Variants in HSD11B1 observed in about 807,000 individuals in gnomAD.
HSD11B1 encodes hydroxysteroid 11-beta dehydrogenase 1, also known as 11-beta-hydroxysteroid dehydrogenase 1.
HSD11B1 carries 15 observed loss-of-function variants against 22.1 expected under a neutral mutation model. The observed-to-expected ratio is 0.68, with a 90% CI of 0.45 to 1.04. The LOEUF is 1.04. Among genes scored for constraint, HSD11B1 ranks in the 50% least tolerant of loss-of-function variants. The pLI, the probability that HSD11B1 is intolerant of heterozygous loss-of-function variation, is 0.00. For synonymous variants in HSD11B1, 122 were observed against 125.2 expected, an observed-to-expected ratio of 0.97 and a Z score of 0.17; for missense variants, 281 against 357.6, an observed-to-expected ratio of 0.79 and a Z score of 1.73.
upstream of HSD11B1, among the ~76,000 whole-genome samples, chr1:209,703,706 C>A (rs11590066): frequency 4.3e-3 from 661 of 152,288 alleles, 1 homozygote; most frequent in Non-Finnish European, 7.3e-3. Context: ...TCTGTCCCCC[C>A]ACTACTCCCA....
rs541167621 is a variant in HSD11B1, at chr1:209,724,104, A to C, written c.518-8332A>C. 7.2e-5 allele frequency: 11 copies of C among 152,510 alleles called. No homozygotes were observed. In the South Asian group the frequency reaches 2.1e-3, roughly 29 times the overall value. 9.4% of individuals were successfully genotyped at this position (152,510 alleles called of 1,614,324 possible). On this transcript the variant is annotated intron_variant, in intron 4 of 5. Coordinates refer to ENST00000367027, the MANE Select transcript of HSD11B1 (RefSeq NM_005525.4). ...AGGGATGAGTCCTGGGACAAGGCCC[A>C]CAGGGTGGTGAGCAGAGTGTGGGCT...
At chr1:209,686,366 A>T (rs2076728484) in intron 1 of HSD11B1, 1 of 152,232 alleles carries the variant, frequency 6.6e-6, no homozygotes, top group South Asian at 2.1e-4. Flanking sequence ...TCCTCAAAAA[A>T]ATCTGCTATT....
intron 4 of HSD11B1, among the ~76,000 whole-genome samples, chr1:209,716,611 C>T (rs1250359588): frequency 2.0e-5 from 3 of 151,150 alleles, no homozygotes; most frequent in African/African-American, 7.3e-5. Flanking sequence ...CCAAAGCAAT[C>T]CTAAGCAAAA....
intron 1 of HSD11B1, among the ~76,000 whole-genome samples, chr1:209,690,460 G>A (rs2076752972): frequency 6.6e-6 from 1 of 152,122 alleles, no homozygotes; most frequent in African/African-American, 2.4e-5. Context: ...AATTTGGGAG[G>A]CCAAGGTGAG....
At position 209,704,910 on chromosome 1, in the gene HSD11B1, C is replaced by A; in HGVS notation, c.-33C>A. ...AGCTCTGTAGGTTCTCTCTGTGTGT[C>A]CTACAGGAGTCTTCAGGCCAGCTCC... On this transcript the variant is annotated 5_prime_UTR_variant, in exon 1 of 6. Transcript: ENST00000367027. The A allele has an allele frequency of 1.3e-6, 2 of 1,539,638 alleles. No homozygotes were observed. Among genetic ancestry groups the A allele is most frequent in the Non-Finnish European group, 1.8e-6 (2 of 1,112,530 alleles).
intron 5 of HSD11B1, among the ~76,000 whole-genome samples, chr1:209,733,620 C>T (rs1350921049): frequency 2.6e-5 from 4 of 152,016 alleles, no homozygotes; most frequent in South Asian, 2.1e-4. Flanking sequence ...TAAGGGGGTA[C>T]GGCCTACAAT....
In HSD11B1 at chr1:209,705,000, T is replaced by C; in HGVS notation, c.58T>C (p.Tyr20His). Residue 20 changes from tyrosine to histidine, a missense_variant, in exon 1 of 6, where the codon TAC (tyrosine) becomes CAC (histidine). Tyr to His is a moderately conservative substitution (Grantham distance 83, BLOSUM62 2). Transcript: ENST00000367027. Reference protein sequence around the residue: ...PILGLFMAYYYYSANEEFRPE... With the variant: ...PILGLFMAYYHYSANEEFRPE... ...TCTGGGGCTCTTCATGGCCTACTAC[T>C]ACTATTCTGCAAACGAGGAATTCAG... The C allele has an allele frequency of 6.2e-7, 1 of 1,613,866 alleles. No individual in the cohort carries two copies. Among genetic ancestry groups the C allele is most frequent in the Non-Finnish European group, 8.5e-7 (1 of 1,179,786 alleles).
chr1:209,700,835 C>T (rs1254755352), upstream of HSD11B1, among the ~76,000 whole-genome samples: 6 of 152,168 alleles, frequency 3.9e-5, no homozygotes, highest in Admixed American at 3.9e-4. Flanking sequence ...TTCAAAGTTC[C>T]ACAAATCTCT....
At chr1:209,719,693 T>C (rs1427221379) in intron 4 of HSD11B1, among the ~76,000 whole-genome samples, 2 of 152,174 alleles carry the variant, frequency 1.3e-5, no homozygotes, top group Admixed American at 6.6e-5. Flanking sequence ...AGAATGATGG[T>C]TTCCAGCTTC....
At chr1:209,718,101 G>A (rs781306652) in intron 4 of HSD11B1, among the ~76,000 whole-genome samples, 4 of 152,242 alleles carry the variant, frequency 2.6e-5, no homozygotes, top group East Asian at 1.9e-4. Flanking sequence ...GAATGTCAGC[G>A]TGTTGGCAGG....
intron 1 of HSD11B1, among the ~76,000 whole-genome samples, chr1:209,689,890 G>A (rs993629608): frequency 1.3e-5 from 2 of 152,178 alleles, no homozygotes; most frequent in African/African-American, 2.4e-5. Context: ...CTTAGATACT[G>A]GAGACCTCAA....
intron 4 of HSD11B1, among the ~76,000 whole-genome samples, chr1:209,721,381 T>C (rs2076965346): frequency 6.6e-6 from 1 of 151,182 alleles, no homozygotes; most frequent in South Asian, 2.1e-4. Context: ...ATTACAGCTA[T>C]TACCCTCAAA....
At chr1:209,695,954 CAG>C (rs1026647014) in intron 1 of HSD11B1, among the ~76,000 whole-genome samples, 4 of 152,104 alleles carry the variant, frequency 2.6e-5, no homozygotes, top group Admixed American at 6.6e-5. Flanking sequence ...TAGCAAAAAA[CAG>C]GGGAAAATTC....
At chr1:209,691,389 C>T (rs2076758870) in intron 1 of HSD11B1, among the ~76,000 whole-genome samples, 1 of 152,140 alleles carries the variant, frequency 6.6e-6, no homozygotes, top group Non-Finnish European at 1.5e-5. Context: ...CCTTATCATA[C>T]ATGAGGAAGT....
chr1:209,732,351 C>T (rs2102402141), intron 4 of HSD11B1, 85 bp from the exon 5 acceptor site: 1 of 1,422,710 alleles, frequency 7.0e-7, no homozygotes. Flanking sequence ...AAAAGGACAC[C>T]ATAGGAGTTA....
intron 1 of HSD11B1, among the ~76,000 whole-genome samples, chr1:209,692,156 T>A (rs916846704): frequency 6.6e-6 from 1 of 151,972 alleles, no homozygotes; most frequent in South Asian, 2.1e-4. Flanking sequence ...GTCAGCATGT[T>A]GATGTCTGGA....
chr1:209,693,779 A>C (rs1250817034), intron 1 of HSD11B1, among the ~76,000 whole-genome samples: 1 of 152,198 alleles, frequency 6.6e-6, no homozygotes, highest in Non-Finnish European at 1.5e-5. Flanking sequence ...TCAGATCTCC[A>C]TGCTTCTCAA....
chr1:209,695,214 T>C (rs1249777820), intron 1 of HSD11B1, among the ~76,000 whole-genome samples: 2 of 152,184 alleles, frequency 1.3e-5, no homozygotes, highest in African/African-American at 4.8e-5. Flanking sequence ...GAACTATGAG[T>C]CAATTAAACT....
chr1:209,693,283 T>C (rs972958784), intron 1 of HSD11B1, among the ~76,000 whole-genome samples: 3 of 152,126 alleles, frequency 2.0e-5, no homozygotes, highest in African/African-American at 7.2e-5. Context: ...ATATAAAGAT[T>C]AGGAGGGAGC....
Sources: gnomAD v4.1 joint callset for allele counts (sites outside exome capture counted in the v4.1 genomes callset) on GRCh38, gnomAD v4.1.1 for gene constraint, MANE v1.5 for transcripts, NCBI Gene and HGNC (gene_info 2026-07-23, HGNC 2026-07-21) for gene names.